The following GRM7 variants were observed in gnomAD, a reference collection of about 807,000 sequenced individuals.
GRM7 encodes the protein metabotropic glutamate receptor 7.
In GRM7, 35 loss-of-function variants were observed where a neutral mutation model predicts 84.5. The observed-to-expected ratio is 0.41, with a 90% CI of 0.32 to 0.55. The LOEUF is 0.55. Ranked by LOEUF, GRM7 falls within the 20% of genes least tolerant of loss-of-function variation. GRM7 has a pLI of 0.19. For missense variants in GRM7, 1,003 were observed against 1,194.6 expected, an observed-to-expected ratio of 0.84 and a Z score of 2.36; for synonymous variants, 487 against 455.1, an observed-to-expected ratio of 1.07 and a Z score of -0.89.
chr3:7,196,416 T>C (rs1299627025), intron 2 of GRM7, among the ~76,000 whole-genome samples: 1 of 152,146 alleles, frequency 6.6e-6, no homozygotes, highest in Non-Finnish European at 1.5e-5. Context: ...CAGTGAACTA[T>C]GCCACTGCAT....
intron 9 of GRM7, among the ~76,000 whole-genome samples, chr3:7,713,384 C>T (rs564652514): frequency 3.3e-5 from 5 of 152,024 alleles, no homozygotes; most frequent in South Asian, 4.2e-4. Context: ...TGATCCCACC[C>T]GCCTCAGTCT....
intron 1 of GRM7, among the ~76,000 whole-genome samples, chr3:6,902,471 A>T (rs1696422694): frequency 6.6e-6 from 1 of 152,158 alleles, no homozygotes; most frequent in Non-Finnish European, 1.5e-5. Flanking sequence ...ATAGATAAAA[A>T]TTTGAGTTAC....
intron 8 of GRM7, among the ~76,000 whole-genome samples, chr3:7,611,540 G>A (rs1035288618): frequency 1.3e-5 from 2 of 152,138 alleles, no homozygotes; most frequent in African/African-American, 4.8e-5. Flanking sequence ...GAGAGAAACA[G>A]GGACAGCTGT....
chr3:7,735,792 G>A (rs78362468), intron 9 of GRM7, among the ~76,000 whole-genome samples: 4,544 of 152,102 alleles, frequency 0.03, 145 homozygotes, highest in African/African-American at 0.08. Context: ...CCTAGCCTCT[G>A]TAAGAGAATT....
At chr3:7,482,717 G>C (rs1388341772) in intron 7 of GRM7, among the ~76,000 whole-genome samples, 1 of 152,150 alleles carries the variant, frequency 6.6e-6, no homozygotes, top group Non-Finnish European at 1.5e-5. Flanking sequence ...TAGAGATAAA[G>C]GTTTTTTAAG....
At chr3:7,661,650 CG>C (rs1244290662) in intron 8 of GRM7, among the ~76,000 whole-genome samples, 1 of 151,692 alleles carries the variant, frequency 6.6e-6, no homozygotes, top group Non-Finnish European at 1.5e-5. Flanking sequence ...AAAAATTAGC[CG>C]GGCGTCGTGG....
In GRM7 at chr3:7,099,960, T is replaced by G. The variant is rs978304990; in HGVS notation, c.520-46492T>G. Among the ~76,000 whole-genome samples, 4 of 147,750 alleles carry G rather than the reference T, an allele frequency of 2.7e-5. No homozygotes were observed. The East Asian group carries it at 7.8e-4, about 29-fold the overall frequency. The stretch of plus-strand genomic sequence containing the variant: ...ATGATATACATTATGTATATATACA[T>G]ATATTATACATATATAATTGCATAT... On this transcript the variant is annotated intron_variant, in intron 1 of 9. Transcript: ENST00000357716.
At chr3:7,648,016 C>T (rs1282715594) in intron 8 of GRM7, among the ~76,000 whole-genome samples, 1 of 152,118 alleles carries the variant, frequency 6.6e-6, no homozygotes, top group East Asian at 1.9e-4. Context: ...GCCTTTGAAG[C>T]TCACTCGGCC....
intron 2 of GRM7, among the ~76,000 whole-genome samples, chr3:7,210,476 G>A (rs757545514): frequency 6.6e-6 from 1 of 152,206 alleles, no homozygotes; most frequent in African/African-American, 2.4e-5. Context: ...AGAGGGATGT[G>A]AAAGTGTAAG....
chr3:6,994,773 A>G (rs1694774732), intron 1 of GRM7, among the ~76,000 whole-genome samples: 1 of 152,166 alleles, frequency 6.6e-6, no homozygotes, highest in Non-Finnish European at 1.5e-5. Context: ...CCACCTGACC[A>G]TATAGTAGGT....
chr3:7,621,785 G>A (rs1315684660), intron 8 of GRM7, among the ~76,000 whole-genome samples: 1 of 152,074 alleles, frequency 6.6e-6, no homozygotes, highest in Non-Finnish European at 1.5e-5. Flanking sequence ...CTGAGATCCT[G>A]AAAATAGGAG....
chr3:7,350,784 G>C (rs544972688), intron 4 of GRM7, among the ~76,000 whole-genome samples: 18 of 152,028 alleles, frequency 1.2e-4, no homozygotes, highest in African/African-American at 4.1e-4. Context: ...AGTCTTCTCC[G>C]ATGGTGCTCT....
intron 1 of GRM7, among the ~76,000 whole-genome samples, chr3:7,103,854 C>CTCTCTTTCTT (rs1699209352): frequency 8.1e-6 from 1 of 123,580 alleles, no homozygotes; most frequent in African/African-American, 3.6e-5. Flanking sequence ...CTCTCTCTCT[C>CTCTCTTTCTT]TCTTTCTTTC....
chr3:6,991,336 G>A (rs918767007), intron 1 of GRM7, among the ~76,000 whole-genome samples: 2 of 152,094 alleles, frequency 1.3e-5, no homozygotes, highest in Admixed American at 6.5e-5. Context: ...CTTTCCCACC[G>A]GACTGATTGC....
At chr3:7,309,714 T>C (rs1424038248) in intron 4 of GRM7, among the ~76,000 whole-genome samples, 1 of 152,174 alleles carries the variant, frequency 6.6e-6, no homozygotes, top group Non-Finnish European at 1.5e-5. Flanking sequence ...TTCTCTTCTA[T>C]CTGTACTTAT....
At position 7,509,203 on chromosome 3, in the gene GRM7, T is replaced by G. The variant is rs138989548; in HGVS notation, c.1515+47481T>G. On this transcript the variant is annotated intron_variant, in intron 7 of 9. Transcript: ENST00000357716. ...GGAGAAGAGGGTGAGTACAGTCTAA[T>G]AAGATATTTTGAGAGAGAGAGAGAA... 6.8e-4 allele frequency among the ~76,000 whole-genome samples: 104 copies of G among 152,230 alleles called. No individual in the cohort carries two copies. In the East Asian group the frequency reaches 0.016, roughly 23 times the overall value.
intron 5 of GRM7, among the ~76,000 whole-genome samples, chr3:7,450,959 G>T (rs1156984200): frequency 6.8e-6 from 1 of 147,350 alleles, no homozygotes; most frequent in African/African-American, 2.5e-5. Context: ...AGTCAGTGAA[G>T]CAACCTAAAA....
At chr3:7,525,457 G>A (rs1700757561) in intron 7 of GRM7, among the ~76,000 whole-genome samples, 1 of 152,054 alleles carries the variant, frequency 6.6e-6, no homozygotes, top group African/African-American at 2.4e-5. Context: ...AGACTCGAGT[G>A]ATCCACCTGC....
intron 1 of GRM7, among the ~76,000 whole-genome samples, chr3:6,947,131 AGT>A: frequency 1.3e-5 from 2 of 152,242 alleles, no homozygotes; most frequent in South Asian, 4.1e-4. Flanking sequence ...GTCTTGTGCC[AGT>A]TTTCAAAAGG....
Sources: allele counts gnomAD v4.1 joint callset (sites outside exome capture counted in the v4.1 genomes callset), GRCh38; gene constraint gnomAD v4.1.1; transcripts MANE v1.5; gene names NCBI Gene and HGNC (gene_info 2026-07-23, HGNC 2026-07-21).